Variants in BARD1 observed in about 807,000 individuals in gnomAD.
BARD1 encodes the protein BRCA1-associated RING domain protein 1.
Under a neutral mutation model 77.0 loss-of-function variants are expected in BARD1, and 73 were observed. The observed-to-expected ratio is 0.95, with a 90% CI of 0.79 to 1.15. The LOEUF (loss-of-function observed/expected upper bound fraction) is 1.15, where lower values mean the gene tolerates loss of function less well. Ranked by LOEUF, BARD1 falls within the 50% of genes most tolerant of loss-of-function variation. The probability of loss-of-function intolerance (pLI) is 0.00; values close to 1 mark genes in which losing one functional copy is unlikely to be tolerated. For missense variants in BARD1, 993 were observed against 938.8 expected, an observed-to-expected ratio of 1.06 and a Z score of -0.75; for synonymous variants, 384 against 338.0, an observed-to-expected ratio of 1.14 and a Z score of -1.49.
rs876658999 is a variant in BARD1 at position 214,769,309 on chromosome 2, C to T, written c.1318G>A (p.Asp440Asn). The T allele has an allele frequency of 3.1e-6, 5 of 1,612,156 alleles. No homozygotes were observed. Among genetic ancestry groups the T allele is most frequent in the East Asian group, 4.5e-5 (2 of 44,824 alleles). The change falls in exon 5 of 11, where the codon GAC becomes AAC. Residue 440 changes from aspartate (D) to asparagine (N), a missense_variant. Asp to Asn is a conservative substitution (Grantham distance 23). Transcript: ENST00000260947. ...TLLHIASIKG[D>N]IPSVEYLLQN... ...AAAAGGTATTCAACAGAAGGTATGT[C>T]GCCCTAGAAAAATGAACAAAACGGA...
chr2:214,792,689 T>A (rs1329790127), intron 2 of BARD1, among the ~76,000 whole-genome samples: 1 of 152,194 alleles, frequency 6.6e-6, no homozygotes, highest in Non-Finnish European at 1.5e-5. Flanking sequence ...TAATTTTCCC[T>A]ACAAATAAAT....
At chr2:214,762,520 C>T (rs1341544124) in intron 6 of BARD1, among the ~76,000 whole-genome samples, 1 of 152,160 alleles carries the variant, frequency 6.6e-6, no homozygotes, top group African/African-American at 2.4e-5. Context: ...GTCCTGATTA[C>T]TTTTTAGAAG....
At chr2:214,784,944 G>A (rs1695203041) in intron 3 of BARD1, among the ~76,000 whole-genome samples, 1 of 151,732 alleles carries the variant, frequency 6.6e-6, no homozygotes, top group South Asian at 2.1e-4. Context: ...GTTGATGGGT[G>A]CAGCAAACCA....
chr2:214,751,178 G>T (rs1488885464), intron 7 of BARD1, among the ~76,000 whole-genome samples: 19 of 12,542 alleles, frequency 1.5e-3, no homozygotes, highest in East Asian at 6.9e-3. Context: ...TTTTTTTTTT[G>T]AGACAGTCTT....
At chr2:214,767,873 T>A (rs1694290453) in intron 5 of BARD1, among the ~76,000 whole-genome samples, 1 of 152,190 alleles carries the variant, frequency 6.6e-6, no homozygotes, top group Admixed American at 6.5e-5. Context: ...GAAAGGCTAT[T>A]CTCATTTGAG....
In BARD1 at chr2:214,809,629, C is replaced by T; in HGVS notation, c.-60G>A. ...CGGGAAGCAAGGAAGCCTCGGGAAA[C>T]CACAGGGAAGCTGCAGGCCAGCGAC... On this transcript the variant is annotated 5_prime_UTR_variant, in exon 1 of 11. Coordinates refer to ENST00000260947, the MANE Select transcript of BARD1 (RefSeq NM_000465.4). 3 of 1,516,492 alleles carry T rather than the reference C, an allele frequency of 2.0e-6. No homozygotes were observed. Among genetic ancestry groups the T allele is most frequent in the Non-Finnish European group, 2.7e-6 (3 of 1,131,756 alleles). The allele number at this position is 1,516,492 out of a possible 1,614,324, so 93.9% of individuals were successfully genotyped here.
Position 214,781,128 on chromosome 2 carries a change from A to G in BARD1, c.746T>C (p.Ile249Thr), listed in dbSNP as rs780899747. 8 of 1,575,706 alleles carry G rather than the reference A, an allele frequency of 5.1e-6. No homozygotes were observed. The highest frequency in any genetic ancestry group is 6.9e-6 in the Non-Finnish European group (8 of 1,165,132). The change falls in exon 4 of 11, where the codon ATC (isoleucine) becomes ACC (threonine). Residue 249 changes from isoleucine to threonine, a missense_variant. By Grantham distance (89) the Ile-to-Thr change is moderately conservative. Transcript: ENST00000260947. ...TTCACCATTTATCTGAGGACTGGAG[A>G]TAACAGATGGTTGGCTACAGAAGGA... The part of the protein sequence containing the change: ...LVSFCSQPSV[I>T]SSPQINGEID...
At chr2:214,791,862 C>T (rs558035080) in intron 3 of BARD1, among the ~76,000 whole-genome samples, 2 of 152,154 alleles carry the variant, frequency 1.3e-5, no homozygotes, top group South Asian at 2.1e-4. Flanking sequence ...AAAAAAGTTC[C>T]TGGATTTACA....
At chr2:214,752,351 T>C in intron 7 of BARD1, 96 bp downstream of exon 7, 1 of 985,538 alleles carries the variant, frequency 1.0e-6, no homozygotes, top group Non-Finnish European at 1.6e-6. Context: ...TTGGTGAATG[T>C]AAGCAATTGG....
Position 214,745,800 on chromosome 2 carries a change from A to ACAGC in BARD1, c.1728_1731dup (p.Ser578AlafsTer11). On this transcript the variant is annotated frameshift_variant, in exon 8 of 11. Coordinates refer to ENST00000260947, the MANE Select transcript of BARD1 (RefSeq NM_000465.4). LOFTEE classifies it high-confidence loss of function. ...CTGAGCATTTTCTGTTGTTCTGAAG[A>ACAGC]CAGCCCACTGCCTATAAGTACAAGA... The ACAGC allele has an allele frequency of 6.2e-7, 1 of 1,614,034 alleles. No homozygotes were observed. The highest frequency in any genetic ancestry group is 8.5e-7 in the Non-Finnish European group (1 of 1,179,950).
intron 7 of BARD1, among the ~76,000 whole-genome samples, chr2:214,746,657 C>T (rs977608729): frequency 6.6e-6 from 1 of 152,116 alleles, no homozygotes; most frequent in African/African-American, 2.4e-5. Context: ...AAGTTCAGCT[C>T]ATCTTTCCTA....
chr2:214,729,159 GT>G, intron 10 of BARD1, 151 bp from the exon 11 acceptor site: 1 of 984,894 alleles, frequency 1.0e-6, no homozygotes. Context: ...AATTTTTTGG[GT>G]TTTGGAAAAT....
chr2:214,783,423 A>G (rs1219352718), intron 3 of BARD1, among the ~76,000 whole-genome samples: 2 of 152,132 alleles, frequency 1.3e-5, no homozygotes, highest in African/African-American at 2.4e-5. Context: ...GGACATGGAT[A>G]ATGCTGGAAG....
At chr2:214,755,261 CTT>C (rs1559397608) in intron 6 of BARD1, among the ~76,000 whole-genome samples, 1 of 152,068 alleles carries the variant, frequency 6.6e-6, no homozygotes, top group Non-Finnish European at 1.5e-5. Context: ...GAAGAAGACT[CTT>C]TTTTAGATTT....
chr2:214,752,502 G>A lies in BARD1; in HGVS notation c.1622C>T (p.Ser541Leu), dbSNP rs777937955. 5.6e-6 allele frequency: 9 copies of A among 1,613,726 alleles called. No individual in the cohort carries two copies. The South Asian group carries it at 7.7e-5, about 14-fold the overall frequency. Reference protein sequence around the residue: ...VDYTDDESMKSLLLLPEKNES... With the variant: ...VDYTDDESMKLLLLLPEKNES... ...ATTCTTCTCTGGTAGCAGCAATAGCGATTTCATACTTTCATCATCTGTATA... is the reference window on the plus strand; with the variant it reads ...ATTCTTCTCTGGTAGCAGCAATAGCAATTTCATACTTTCATCATCTGTATA... Residue 541 changes from serine (S) to leucine (L), a missense_variant, in exon 7 of 11, where the codon TCG becomes TTG. Coordinates refer to ENST00000260947, the MANE Select transcript of BARD1 (RefSeq NM_000465.4).
rs1442870212 is a variant in BARD1, at chr2:214,763,848, C to T, written c.1568+3634G>A. Among the ~76,000 whole-genome samples the T allele has an allele frequency of 2.6e-5, 4 of 152,320 alleles. No individual in the cohort carries two copies. In the South Asian group the frequency reaches 6.2e-4, roughly 24 times the overall value. On this transcript the variant is annotated intron_variant, in intron 6 of 10. Coordinates refer to ENST00000260947, the MANE Select transcript of BARD1 (RefSeq NM_000465.4). Reference sequence around the variant, plus strand: ...CCATAGTCTCCATGCTCCAGACCCCCTTCCCATGATCTCCTTAAGAAATGG... The same window carrying T: ...CCATAGTCTCCATGCTCCAGACCCCTTTCCCATGATCTCCTTAAGAAATGG...
chr2:214,728,352 C>T lies in BARD1; in HGVS notation c.*324G>A, dbSNP rs1345439167. ...TATGGAGAATATTAAAAGACTCAAACAGTAATGATACCACTTGTCTATTTA... is the reference window on the plus strand; with the variant it reads ...TATGGAGAATATTAAAAGACTCAAATAGTAATGATACCACTTGTCTATTTA... On this transcript the variant is annotated 3_prime_UTR_variant, in exon 11 of 11. Coordinates refer to ENST00000260947, the MANE Select transcript of BARD1 (RefSeq NM_000465.4). The T allele has an allele frequency of 1.9e-5, 5 of 259,478 alleles. No homozygotes were observed. Among genetic ancestry groups the T allele is most frequent in the Admixed American group, 5.4e-5 (1 of 18,546 alleles). The allele number at this position is 259,478 out of a possible 1,614,324, so 16.1% of individuals were successfully genotyped here.
At chr2:214,809,251 AGTT>A (rs1696437753) in intron 1 of BARD1, among the ~76,000 whole-genome samples, 158 bp downstream of exon 1, 1 of 152,206 alleles carries the variant, frequency 6.6e-6, no homozygotes, top group Non-Finnish European at 1.5e-5. Context: ...GAGAAGCAGA[AGTT>A]GTTAATACTA....
At chr2:214,736,687 T>C (rs1692580772) in intron 9 of BARD1, among the ~76,000 whole-genome samples, 1 of 152,010 alleles carries the variant, frequency 6.6e-6, no homozygotes. Context: ...CCTTAATAGA[T>C]ACTACAGTCC....
Sources: allele counts gnomAD v4.1 joint callset (sites outside exome capture counted in the v4.1 genomes callset), GRCh38; gene constraint gnomAD v4.1.1; transcripts MANE v1.5; gene names NCBI Gene and HGNC (gene_info 2026-07-23, HGNC 2026-07-21).